Variants in OR10G8 observed in about 807,000 individuals in gnomAD.
OR10G8 encodes olfactory receptor 10G8.
For missense variants in OR10G8, 386 were observed against 384.9 expected (o/e 1.00, Z -0.02); for synonymous variants, 173 against 163.2 (o/e 1.06, Z -0.46).
chr11:124,030,135 C>G lies in OR10G8; in HGVS notation c.513C>G (p.Asn171Lys). The G allele has an allele frequency of 1.9e-6, 3 of 1,614,042 alleles. No individual in the cohort carries two copies. The highest frequency in any genetic ancestry group is 2.5e-6 in the Non-Finnish European group (3 of 1,179,896). Reference protein sequence around the residue: ...LTFHLPYCGPNWIQHYLCDAP... With the variant: ...LTFHLPYCGPKWIQHYLCDAP... Reference sequence around the variant, plus strand: ...TCCATTTGCCCTACTGTGGACCCAACTGGATCCAGCACTATTTGTGTGATG... The same window carrying G: ...TCCATTTGCCCTACTGTGGACCCAAGTGGATCCAGCACTATTTGTGTGATG... The change falls in exon 2 of 2, where the codon AAC (asparagine) becomes AAG (lysine). Residue 171 changes from asparagine to lysine, a missense_variant. Physicochemically the swap from Asn to Lys is moderately conservative, Grantham distance 94. Coordinates refer to ENST00000641224, the MANE Select transcript of OR10G8 (RefSeq NM_001004464.2).
At chr11:124,029,460 T>C in intron 1 of OR10G8, 136 bp from the exon 2 acceptor site, 2 of 763,718 alleles carry the variant, frequency 2.6e-6, no homozygotes, top group Non-Finnish European at 4.3e-6. Flanking sequence ...CATTAGTTTA[T>C]GAAGGAAGCT....
chr11:124,030,375 T>G lies in OR10G8; in HGVS notation c.753T>G (p.Phe251Leu). 1.2e-6 allele frequency: 2 copies of G among 1,614,212 alleles called. No individual in the cohort carries two copies. The highest frequency in any genetic ancestry group is 2.2e-5 in the South Asian group (2 of 91,082). ...ASHCIVVLCF[F>L]GPGLFIYLRP... Reference sequence around the variant, plus strand: ...ACTGTATCGTGGTCCTTTGCTTCTTTGGCCCTGGTCTTTTCATTTACCTGA... The same window carrying G: ...ACTGTATCGTGGTCCTTTGCTTCTTGGGCCCTGGTCTTTTCATTTACCTGA... The change falls in exon 2 of 2, where the codon TTT becomes TTG. Residue 251 changes from phenylalanine to leucine, a missense_variant. Phe to Leu is a conservative substitution (Grantham distance 22). Transcript: ENST00000641224.
At chr11:124,028,107 G>A (rs1864121678) in intron 1 of OR10G8, among the ~76,000 whole-genome samples, 1 of 152,122 alleles carries the variant, frequency 6.6e-6, no homozygotes. Context: ...GGAAGATGGT[G>A]GAGGCAACAC....
chr11:124,029,459 A>C, intron 1 of OR10G8, 137 bp from the exon 2 acceptor site: 1 of 759,186 alleles, frequency 1.3e-6, no homozygotes, highest in South Asian at 1.9e-5. Flanking sequence ...TCATTAGTTT[A>C]TGAAGGAAGC....
intron 1 of OR10G8, among the ~76,000 whole-genome samples, chr11:124,029,135 G>C (rs1044833471): frequency 6.6e-6 from 1 of 152,072 alleles, no homozygotes; most frequent in African/African-American, 2.4e-5. Context: ...AAGGAAACTG[G>C]AACCTGAGTC....
At position 124,030,604 on chromosome 11, in the gene OR10G8, G is replaced by C. The variant is rs146648607; in HGVS notation, c.*46G>C. On this transcript the variant is annotated 3_prime_UTR_variant, in exon 2 of 2. Transcript: ENST00000641224. The stretch of plus-strand genomic sequence containing the variant: ...TCTTAGCTCTTGTGAATAGTGCTGT[G>C]AAAAACATACAGGGGCAGGTATCTT... 2.3e-3 allele frequency: 3,266 copies of C among 1,446,238 alleles called. 27 individuals carry two copies. The highest frequency in any genetic ancestry group is 0.017 in the African/African-American group (1,194 of 70,364). The allele number at this position is 1,446,238 out of a possible 1,614,324, so 89.6% of individuals were successfully genotyped here.
Position 124,030,480 on chromosome 11 carries a change from G to T in OR10G8, c.858G>T (p.Val286=). Residue 286 remains valine (V), a synonymous_variant, in exon 2 of 2, where the codon GTG becomes GTT. Transcript: ENST00000641224. ...TVLTPLLNPV[V]YTLRNKEVKK... ...TGACGCCCCTTCTCAACCCTGTTGTGTACACCCTGAGGAACAAGGAGGTGA... is the reference window on the plus strand; with the variant it reads ...TGACGCCCCTTCTCAACCCTGTTGTTTACACCCTGAGGAACAAGGAGGTGA... 6.2e-7 allele frequency: 1 copy of T among 1,613,696 alleles called. No individual in the cohort carries two copies.
intron 1 of OR10G8, among the ~76,000 whole-genome samples, chr11:124,029,203 C>T (rs966072517): frequency 2.6e-5 from 4 of 151,974 alleles, no homozygotes; most frequent in African/African-American, 9.7e-5. Context: ...GAGAATGATC[C>T]CCAACCTCAG....
chr11:124,030,549 G>T lies in OR10G8; in HGVS notation c.927G>T (p.Gln309His). Reference protein sequence around the residue: ...LKLKDKVAHSQSK With the variant: ...LKLKDKVAHSHSK ...TGAAAGACAAAGTAGCACATTCTCA[G>T]AGCAAATAGACACTAGGGAAGATTA... Residue 309 changes from glutamine to histidine, a missense_variant, in exon 2 of 2, where the codon CAG (glutamine) becomes CAT (histidine). Physicochemically the swap from Gln to His is conservative, Grantham distance 24 (BLOSUM62 0). Transcript: ENST00000641224. 1 of 1,586,762 alleles carries T rather than the reference G, an allele frequency of 6.3e-7. No homozygotes were observed.
chr11:124,029,506 T>A, intron 1 of OR10G8, 90 bp from the exon 2 acceptor site: 1 of 1,176,470 alleles, frequency 8.5e-7, no homozygotes, highest in Non-Finnish European at 1.2e-6. Context: ...ACTCCAGAAT[T>A]ATCTACCTGC....
rs191166567 is a variant in OR10G8 at position 124,027,319 on chromosome 11, C to T, written c.-28+452C>T. Among the ~76,000 whole-genome samples the T allele has an allele frequency of 7.9e-5, 12 of 152,294 alleles. No individual in the cohort carries two copies. In the East Asian group the frequency reaches 1.9e-3, roughly 24 times the overall value. On this transcript the variant is annotated intron_variant, in intron 1 of 1. Transcript: ENST00000641224. ...TGTAGATTTAACTTATTTTCTCCTG[C>T]TTTCCTTCTTTCCTTTATGTCAAAC...
In OR10G8 at chr11:124,030,315, G is replaced by C. The variant is rs767972670; in HGVS notation, c.693G>C (p.Glu231Asp). Reference protein sequence around the residue: ...VCSILRIRTSEGKHRAFQTCA... With the variant: ...VCSILRIRTSDGKHRAFQTCA... The stretch of plus-strand genomic sequence containing the variant: ...CCATCCTGCGGATCCGCACCTCAGA[G>C]GGGAAGCACAGAGCCTTTCAGACCT... The change falls in exon 2 of 2, where the codon GAG (glutamate) becomes GAC (aspartate). Residue 231 changes from glutamate to aspartate, a missense_variant. By Grantham distance (45) the Glu-to-Asp change is conservative. Coordinates refer to ENST00000641224, the MANE Select transcript of OR10G8 (RefSeq NM_001004464.2). 6.2e-7 allele frequency: 1 copy of C among 1,614,208 alleles called. No individual in the cohort carries two copies. Among genetic ancestry groups the C allele is most frequent in the South Asian group, 1.1e-5 (1 of 91,086 alleles).
Position 124,030,153 on chromosome 11 carries a change from G to A in OR10G8, c.531G>A (p.Leu177=). The change falls in exon 2 of 2, where the codon TTG becomes TTA. Residue 177 remains leucine, a synonymous_variant. Transcript: ENST00000641224. The part of the protein sequence containing the change: ...YCGPNWIQHY[L]CDAPPILKLA... ...GACCCAACTGGATCCAGCACTATTTGTGTGATGCACCGCCCATCCTGAAAC... is the reference window on the plus strand; with the variant it reads ...GACCCAACTGGATCCAGCACTATTTATGTGATGCACCGCCCATCCTGAAAC... 1 of 1,613,958 alleles carries A rather than the reference G, an allele frequency of 6.2e-7. No homozygotes were observed. Among genetic ancestry groups the A allele is most frequent in the Middle Eastern group, 1.7e-4 (1 of 6,058 alleles).
At chr11:124,027,358 T>C (rs369437810) in intron 1 of OR10G8, among the ~76,000 whole-genome samples, 148 of 152,336 alleles carry the variant, frequency 9.7e-4, no homozygotes, top group Non-Finnish European at 1.7e-3. Context: ...CATTCAGATA[T>C]AAGATATTCG....
At chr11:124,028,908 A>C (rs1440879826) in intron 1 of OR10G8, among the ~76,000 whole-genome samples, 1 of 152,100 alleles carries the variant, frequency 6.6e-6, no homozygotes, top group Non-Finnish European at 1.5e-5. Context: ...CCTTCCTTTG[A>C]GTATGCCTGG....
At position 124,030,038 on chromosome 11, in the gene OR10G8, C is replaced by G. The variant is rs1397948928; in HGVS notation, c.416C>G (p.Ser139Trp). 8 of 1,614,122 alleles carry G rather than the reference C, an allele frequency of 5.0e-6. No individual in the cohort carries two copies. The highest frequency in any genetic ancestry group is 2.2e-5 in the East Asian group (1 of 44,884). The change falls in exon 2 of 2, where the codon TCG becomes TGG. Residue 139 changes from serine to tryptophan, a missense_variant. Coordinates refer to ENST00000641224, the MANE Select transcript of OR10G8 (RefSeq NM_001004464.2). Reference sequence around the variant, plus strand: ...TACACCAGCATGATGACTGGGCGCTCGTGTACTCTTCTGGCCACCAGCACT... The same window carrying G: ...TACACCAGCATGATGACTGGGCGCTGGTGTACTCTTCTGGCCACCAGCACT... ...LRYTSMMTGRSCTLLATSTWL... is the reference protein window; with the variant it reads ...LRYTSMMTGRWCTLLATSTWL...
intron 1 of OR10G8, among the ~76,000 whole-genome samples, chr11:124,029,036 G>A (rs1864129692): frequency 6.7e-6 from 1 of 148,974 alleles, no homozygotes; most frequent in Non-Finnish European, 1.5e-5. Context: ...GTAACCTGTG[G>A]TGTTTTAAGA....
At position 124,030,363 on chromosome 11, in the gene OR10G8, C is replaced by T. The variant is rs141851817; in HGVS notation, c.741C>T (p.Val247=). The part of the protein sequence containing the change: ...FQTCASHCIV[V]LCFFGPGLFI... ...CCTGTGCCTCCCACTGTATCGTGGTCCTTTGCTTCTTTGGCCCTGGTCTTT... is the reference window on the plus strand; with the variant it reads ...CCTGTGCCTCCCACTGTATCGTGGTTCTTTGCTTCTTTGGCCCTGGTCTTT... Residue 247 remains valine, a synonymous_variant, in exon 2 of 2, where the codon GTC becomes GTT. Coordinates refer to ENST00000641224, the MANE Select transcript of OR10G8 (RefSeq NM_001004464.2). The T allele has an allele frequency of 2.7e-5, 43 of 1,614,038 alleles. No homozygotes were observed. In the African/African-American group the frequency reaches 5.5e-4, roughly 21 times the overall value.
Position 124,029,792 on chromosome 11 carries a change from T to C in OR10G8, c.170T>C (p.Met57Thr). The change falls in exon 2 of 2, where the codon ATG (methionine) becomes ACG (threonine). Residue 57 changes from methionine to threonine, a missense_variant. Transcript: ENST00000641224. ...IRVDSHLHTT[M>T]YYFLTNLSFI... ...GTGGATTCTCACCTCCACACCACCA[T>C]GTACTACTTCCTCACCAACCTGTCG... The C allele has an allele frequency of 6.2e-7, 1 of 1,614,128 alleles. No individual in the cohort carries two copies. The highest frequency in any genetic ancestry group is 8.5e-7 in the Non-Finnish European group (1 of 1,180,008).
Sources: gnomAD v4.1 joint callset for allele counts (sites outside exome capture counted in the v4.1 genomes callset) on GRCh38, gnomAD v4.1.1 for gene constraint, MANE v1.5 for transcripts, NCBI Gene and HGNC (gene_info 2026-07-23, HGNC 2026-07-21) for gene names.